The following VTI1A variants were observed in gnomAD, a reference collection of about 807,000 sequenced individuals.
VTI1A encodes vesicle transport through interaction with t-SNAREs homolog 1A.
VTI1A carries 22 observed loss-of-function variants against 34.9 expected under a neutral mutation model. The observed-to-expected ratio is 0.63, with a 90% CI of 0.45 to 0.90. The LOEUF (loss-of-function observed/expected upper bound fraction) is 0.90. Among genes scored for constraint, VTI1A ranks in the 40% least tolerant of loss-of-function variants. VTI1A has a pLI of 0.00. For missense variants in VTI1A, 268 were observed against 275.6 expected (o/e 0.97, Z 0.20); for synonymous variants, 87 against 97.3 (o/e 0.89, Z 0.62).
intron 5 of VTI1A, among the ~76,000 whole-genome samples, chr10:112,623,806 C>T (rs1251275185): frequency 6.6e-6 from 1 of 152,154 alleles, no homozygotes; most frequent in Non-Finnish European, 1.5e-5. Context: ...AACCTCGGCA[C>T]TGTGCAGGGA....
intron 5 of VTI1A, among the ~76,000 whole-genome samples, chr10:112,637,624 A>G: frequency 6.6e-6 from 1 of 152,152 alleles, no homozygotes. Context: ...GCGCTACTGC[A>G]CTGTAGCCTG....
At chr10:112,657,083 A>C (rs1365921353) in intron 5 of VTI1A, among the ~76,000 whole-genome samples, 1 of 152,150 alleles carries the variant, frequency 6.6e-6, no homozygotes, top group Non-Finnish European at 1.5e-5. Flanking sequence ...TGGAAGAAGA[A>C]GCCACTATGC....
At chr10:112,782,959 C>G (rs1011717372) in intron 7 of VTI1A, among the ~76,000 whole-genome samples, 5 of 152,160 alleles carry the variant, frequency 3.3e-5, no homozygotes, top group African/African-American at 1.2e-4. Flanking sequence ...AAAATACCAT[C>G]AGATCGAAAG....
At chr10:112,450,751 G>A (rs1390605681) in intron 1 of VTI1A, 1 of 152,160 alleles carries the variant, frequency 6.6e-6, no homozygotes, top group Non-Finnish European at 1.5e-5. Context: ...ACTAATTTTA[G>A]TAATTGAACT....
chr10:112,645,305 A>T (rs552906854), intron 5 of VTI1A, among the ~76,000 whole-genome samples: 2 of 152,288 alleles, frequency 1.3e-5, no homozygotes, highest in South Asian at 4.1e-4. Context: ...TTTGCCACCT[A>T]TCTTAACCCA....
chr10:112,667,436 C>T (rs923630349), intron 5 of VTI1A, among the ~76,000 whole-genome samples: 7 of 152,130 alleles, frequency 4.6e-5, no homozygotes, highest in Non-Finnish European at 1.0e-4. Flanking sequence ...AAAGGGTCTA[C>T]GGCTGGAGAA....
intron 5 of VTI1A, among the ~76,000 whole-genome samples, chr10:112,612,616 G>C (rs910132923): frequency 2.0e-5 from 3 of 152,104 alleles, no homozygotes; most frequent in African/African-American, 7.2e-5. Context: ...AGAGATAGGA[G>C]TCTCATTGTG....
At chr10:112,537,292 T>C (rs1850667633) in intron 4 of VTI1A, among the ~76,000 whole-genome samples, 1 of 137,904 alleles carries the variant, frequency 7.3e-6, no homozygotes, top group South Asian at 2.3e-4. Flanking sequence ...CATACATTTA[T>C]ATATTTCTAA....
chr10:112,643,492 T>C (rs953838112), intron 5 of VTI1A, among the ~76,000 whole-genome samples: 3 of 152,216 alleles, frequency 2.0e-5, no homozygotes, highest in African/African-American at 7.2e-5. Flanking sequence ...CTTGAGACCA[T>C]TGTACAAAGC....
At chr10:112,674,478 A>G (rs1847962743) in intron 7 of VTI1A, among the ~76,000 whole-genome samples, 1 of 152,214 alleles carries the variant, frequency 6.6e-6, no homozygotes, top group Non-Finnish European at 1.5e-5. Flanking sequence ...CGTTTTTACC[A>G]AACCAAAGAA....
intron 5 of VTI1A, among the ~76,000 whole-genome samples, chr10:112,591,965 T>C (rs1178898688): frequency 2.6e-5 from 4 of 152,168 alleles, no homozygotes; most frequent in African/African-American, 9.7e-5. Flanking sequence ...AAAGGGTAGA[T>C]GCAGAGATTT....
intron 3 of VTI1A, among the ~76,000 whole-genome samples, chr10:112,520,519 A>T (rs921765051): frequency 9.9e-5 from 15 of 151,956 alleles, no homozygotes; most frequent in Non-Finnish European, 2.9e-5. Flanking sequence ...ATGATACAGC[A>T]GCAATATGGG....
intron 5 of VTI1A, among the ~76,000 whole-genome samples, chr10:112,661,645 T>G (rs144412908): frequency 3.9e-5 from 6 of 152,270 alleles, no homozygotes; most frequent in African/African-American, 1.4e-4. Context: ...TGACCTTTTA[T>G]TTTTTCTTTT....
chr10:112,500,301 G>A (rs941908080), intron 3 of VTI1A, among the ~76,000 whole-genome samples: 2 of 152,054 alleles, frequency 1.3e-5, no homozygotes, highest in South Asian at 4.1e-4. Flanking sequence ...TGGGTGTGGA[G>A]GCTCGCGCCT....
At chr10:112,686,046 C>G (rs1322255354) in intron 7 of VTI1A, among the ~76,000 whole-genome samples, 1 of 152,160 alleles carries the variant, frequency 6.6e-6, no homozygotes, top group Non-Finnish European at 1.5e-5. Context: ...TTCCTGGGAA[C>G]TCTGGTTTCC....
At chr10:112,728,661 G>GA (rs906495856) in intron 7 of VTI1A, among the ~76,000 whole-genome samples, 1 of 151,920 alleles carries the variant, frequency 6.6e-6, no homozygotes, top group Non-Finnish European at 1.5e-5. Flanking sequence ...TGAAATGGAA[G>GA]AAAAAAAATA....
chr10:112,668,848 T>G (rs1847741750), intron 6 of VTI1A, 89 bp from the exon 7 acceptor site: 2 of 1,359,924 alleles, frequency 1.5e-6, no homozygotes, highest in Admixed American at 1.8e-5. Context: ...TGTTTGGATT[T>G]TCTATCATGA....
chr10:112,826,706 T>C, the VTI1A span: 2 of 152,312 alleles, frequency 1.3e-5, no homozygotes, highest in Non-Finnish European at 1.5e-5. Flanking sequence ...GAAAATATCC[T>C]GATTCCACTT....
At chr10:112,597,731 T>A (rs1415664656) in intron 5 of VTI1A, among the ~76,000 whole-genome samples, 1 of 124,010 alleles carries the variant, frequency 8.1e-6, no homozygotes, top group Non-Finnish European at 1.6e-5. Context: ...GGAGTCTCGC[T>A]CTGTCGCCCA....
Sources: allele counts gnomAD v4.1 joint callset (sites outside exome capture counted in the v4.1 genomes callset), GRCh38; gene constraint gnomAD v4.1.1; transcripts MANE v1.5; gene names NCBI Gene and HGNC (gene_info 2026-07-23, HGNC 2026-07-21).